PGRMC2: variants seen among roughly 807,000 people sequenced by gnomAD.
The protein encoded by PGRMC2 is progesterone receptor membrane component 2, also known as membrane-associated progesterone receptor component 2.
A neutral mutation model predicts 19.3 loss-of-function variants in PGRMC2; 9 were observed. That is an observed-to-expected ratio of 0.47 (90% CI 0.28 to 0.81). The LOEUF is 0.81. Among genes scored for constraint, PGRMC2 ranks in the 40% least tolerant of loss-of-function variants. The pLI is 0.11. For synonymous variants in PGRMC2, 157 were observed against 124.6 expected (o/e 1.26, Z -1.73); for missense variants, 289 against 297.3 (o/e 0.97, Z 0.21).
chr4:128,282,588 A>G (rs996709125), intron 1 of PGRMC2, among the ~76,000 whole-genome samples: 9 of 152,254 alleles, frequency 5.9e-5, no homozygotes, highest in Admixed American at 2.6e-4. Context: ...AATATAAAAA[A>G]TCATCAGAAA....
chr4:128,286,687 G>A, intron 1 of PGRMC2: 1 of 398,502 alleles, frequency 2.5e-6, no homozygotes, highest in Non-Finnish European at 4.4e-6. Flanking sequence ...AATAAGCTCT[G>A]CATTCTGGTC....
chr4:128,272,353 TA>T lies in PGRMC2; in HGVS notation c.574+8del. The T allele has an allele frequency of 6.9e-7, 1 of 1,448,554 alleles. No individual in the cohort carries two copies. Among genetic ancestry groups the T allele is most frequent in the Non-Finnish European group, 9.1e-7 (1 of 1,094,280 alleles). 89.7% of individuals were successfully genotyped at this position (1,448,554 alleles called of 1,614,324 possible). ...TAATTTTCCAAAGAATCCAACAAAA[TA>T]AAAATACCTTTAAACTGCATTTCCC... is the stretch of plus-strand genomic sequence containing the variant. On this transcript the variant is annotated splice_region_variant and intron_variant, in intron 2 of 2. Transcript: ENST00000296425.
At chr4:128,285,837 T>C (rs1362086223) in intron 1 of PGRMC2, among the ~76,000 whole-genome samples, 1 of 152,180 alleles carries the variant, frequency 6.6e-6, no homozygotes, top group East Asian at 1.9e-4. Flanking sequence ...GTATTAACCA[T>C]TTCAGTTGAT....
rs1480983878 is a variant in PGRMC2 at position 128,269,621 on chromosome 4, T to C, written c.*1695A>G. The C allele has an allele frequency of 6.6e-6, 1 of 152,210 alleles. No individual in the cohort carries two copies. Among genetic ancestry groups the C allele is most frequent in the Non-Finnish European group, 1.5e-5 (1 of 68,036 alleles). The allele number at this position is 152,210 out of a possible 1,614,324, so 9.4% of individuals were successfully genotyped here. On this transcript the variant is annotated 3_prime_UTR_variant, in exon 3 of 3. Transcript: ENST00000296425. ...CAGTTAAAAGCTCCCCCTTGTTTGA[T>C]GGCTTCTGCATGTATCTACAAAGCA... is the stretch of plus-strand genomic sequence containing the variant.
intron 1 of PGRMC2, among the ~76,000 whole-genome samples, chr4:128,281,760 T>C (rs1334579028): frequency 6.6e-6 from 1 of 152,184 alleles, no homozygotes; most frequent in Admixed American, 6.5e-5. Flanking sequence ...ACTAATCAGA[T>C]AAAGGCTGAA....
chr4:128,287,403 C>T lies in PGRMC2; in HGVS notation c.388G>A (p.Val130Met). The change falls in exon 1 of 3, where the codon GTG becomes ATG. Residue 130 changes from valine to methionine, a missense_variant. Val to Met is a conservative substitution (Grantham distance 21). Coordinates refer to ENST00000296425, the MANE Select transcript of PGRMC2 (RefSeq NM_006320.6). ...LLAVNGKVFD[V>M]TKGSKFYGPA... Reference sequence around the variant, plus strand: ...CCGTAGAACTTGCTGCCTTTGGTCACGTCGAAGACTTTCCCATTGACCGCG... The same window carrying T: ...CCGTAGAACTTGCTGCCTTTGGTCATGTCGAAGACTTTCCCATTGACCGCG... 6.2e-7 allele frequency: 1 copy of T among 1,611,016 alleles called. No individual in the cohort carries two copies. The highest frequency in any genetic ancestry group is 8.5e-7 in the Non-Finnish European group (1 of 1,177,766).
intron 1 of PGRMC2, among the ~76,000 whole-genome samples, chr4:128,278,446 C>G (rs1478448064): frequency 6.6e-6 from 1 of 152,072 alleles, no homozygotes. Context: ...GTGGTGGGCG[C>G]CTGTAATCCC....
intron 1 of PGRMC2, among the ~76,000 whole-genome samples, chr4:128,278,221 T>C (rs1299756445): frequency 6.6e-6 from 1 of 152,178 alleles, no homozygotes; most frequent in African/African-American, 2.4e-5. Context: ...TAAGAATTAA[T>C]GAACACTAAA....
rs1287047136 is a variant in PGRMC2, at chr4:128,270,741, A to G, written c.*575T>C. On this transcript the variant is annotated 3_prime_UTR_variant, in exon 3 of 3. Transcript: ENST00000296425. ...TCCTAATTTCCAAAGATTTCTTTAT[A>G]AAGATATTTTTCTTTTCCCTGACAA... is the stretch of plus-strand genomic sequence containing the variant. 6.6e-6 allele frequency: 1 copy of G among 152,012 alleles called. No individual in the cohort carries two copies. Among genetic ancestry groups the G allele is most frequent in the African/African-American group, 2.4e-5 (1 of 41,466 alleles). The allele number at this position is 152,012 out of a possible 1,614,324, so 9.4% of individuals were successfully genotyped here. A position where few individuals can be genotyped will look rare whatever the true frequency, so the allele number is the denominator to read the frequency against.
At chr4:128,280,469 C>T (rs538398184) in intron 1 of PGRMC2, among the ~76,000 whole-genome samples, 2 of 151,516 alleles carry the variant, frequency 1.3e-5, no homozygotes, top group Admixed American at 1.3e-4. Flanking sequence ...AGCAAAACCC[C>T]AAAGACAAAA....
chr4:128,273,766 G>C (rs1561614683), intron 1 of PGRMC2, among the ~76,000 whole-genome samples: 1 of 152,198 alleles, frequency 6.6e-6, no homozygotes, highest in Non-Finnish European at 1.5e-5. Context: ...CACTTAAATA[G>C]ATATCTAAGC....
intron 1 of PGRMC2, among the ~76,000 whole-genome samples, chr4:128,277,560 T>C (rs1439838621): frequency 6.6e-6 from 1 of 152,206 alleles, no homozygotes; most frequent in Non-Finnish European, 1.5e-5. Context: ...AGATGAACTT[T>C]AATTAATTAA....
In PGRMC2 at chr4:128,281,074, GTAAATT is replaced by G. The variant is rs1176988240; in HGVS notation, c.418+6293_418+6298del. Among the ~76,000 whole-genome samples the G allele has an allele frequency of 9.1e-4, 138 of 152,284 alleles. 2 individuals are homozygous for G. Among genetic ancestry groups the G allele is most frequent in the Non-Finnish European group, 2.1e-4 (14 of 68,028 alleles). The stretch of plus-strand genomic sequence containing the variant: ...AATTAAAAAAATGATAACCATGTTA[GTAAATT>G]TAAACAAGGACTATATTAAAAAGAT... On this transcript the variant is annotated intron_variant, in intron 1 of 2. Transcript: ENST00000296425.
rs1271442629 is a variant in PGRMC2 at position 128,287,585 on chromosome 4, T to C, written c.206A>G (p.Tyr69Cys). Residue 69 changes from tyrosine (Y) to cysteine (C), a missense_variant, in exon 1 of 3, where the codon TAC becomes TGC. By Grantham distance (194) the Tyr-to-Cys change is radical. Transcript: ENST00000296425. ...CCGCCCCCAGCGCACCCACAGCCGG[T>C]AGGCCCCCAGCAGCACCAGAGCCAC... ...ALVALVLLGAYRLWVRWGRRG... is the reference protein window; with the variant it reads ...ALVALVLLGACRLWVRWGRRG... 8 of 1,074,032 alleles carry C rather than the reference T, an allele frequency of 7.4e-6. No individual in the cohort carries two copies. Among genetic ancestry groups the C allele is most frequent in the East Asian group, 6.6e-5 (1 of 15,090 alleles). The allele number at this position is 1,074,032 out of a possible 1,614,324, so 66.5% of individuals were successfully genotyped here. A position where few individuals can be genotyped will look rare whatever the true frequency, so the allele number is the denominator to read the frequency against.
Position 128,272,385 on chromosome 4 carries a change from C to T in PGRMC2, c.551G>A (p.Arg184Gln), listed in dbSNP as rs1356884158. The stretch of plus-strand genomic sequence containing the variant: ...ACCTTTAAACTGCATTTCCCATTCT[C>T]GAACACTCTCCATTTGTACTGCATT... ...DLNAVQMESVREWEMQFKEKY... is the reference protein window; with the variant it reads ...DLNAVQMESVQEWEMQFKEKY... The change falls in exon 2 of 3, where the codon CGA becomes CAA. Residue 184 changes from arginine (R) to glutamine (Q), a missense_variant. Physicochemically the swap from Arg to Gln is conservative, Grantham distance 43 (BLOSUM62 1). Coordinates refer to ENST00000296425, the MANE Select transcript of PGRMC2 (RefSeq NM_006320.6). 1.6e-5 allele frequency: 25 copies of T among 1,524,306 alleles called. No homozygotes were observed. The highest frequency in any genetic ancestry group is 1.7e-4 in the Middle Eastern group (1 of 5,720). The allele number at this position is 1,524,306 out of a possible 1,614,324, so 94.4% of individuals were successfully genotyped here. A position where few individuals can be genotyped will look rare whatever the true frequency, so the allele number is the denominator to read the frequency against.
intron 1 of PGRMC2, among the ~76,000 whole-genome samples, chr4:128,275,008 A>G (rs1248895473): frequency 6.6e-6 from 1 of 152,158 alleles, no homozygotes; most frequent in Non-Finnish European, 1.5e-5. Context: ...ACTTTCCTAA[A>G]TCCTCCAGTG....
chr4:128,286,644 C>G, intron 1 of PGRMC2: 1 of 398,476 alleles, frequency 2.5e-6, no homozygotes, highest in Non-Finnish European at 4.4e-6. Flanking sequence ...GCTCCACCCC[C>G]AAAACTCAAG....
intron 1 of PGRMC2, among the ~76,000 whole-genome samples, chr4:128,274,205 T>C (rs1760771986): frequency 6.6e-6 from 1 of 152,170 alleles, no homozygotes; most frequent in Non-Finnish European, 1.5e-5. Flanking sequence ...TCAAACTTTT[T>C]CTATCATCTC....
In PGRMC2 at chr4:128,284,454, C is replaced by T. The variant is rs534082747; in HGVS notation, c.418+2919G>A. ...TTCTCCTCCTGTATTCAGTTTTTTACATGACCAAACTTTCCTCACCTGCTG... is the reference window on the plus strand; with the variant it reads ...TTCTCCTCCTGTATTCAGTTTTTTATATGACCAAACTTTCCTCACCTGCTG... On this transcript the variant is annotated intron_variant, in intron 1 of 2. Coordinates refer to ENST00000296425, the MANE Select transcript of PGRMC2 (RefSeq NM_006320.6). Among the ~76,000 whole-genome samples, 4 of 152,304 alleles carry T rather than the reference C, an allele frequency of 2.6e-5. No individual in the cohort carries two copies. The South Asian group carries it at 6.2e-4, about 24-fold the overall frequency.
Sources: gnomAD v4.1 joint callset for allele counts (sites outside exome capture counted in the v4.1 genomes callset) on GRCh38, gnomAD v4.1.1 for gene constraint, MANE v1.5 for transcripts, NCBI Gene and HGNC (gene_info 2026-07-23, HGNC 2026-07-21) for gene names.